DNAH7: variants seen among roughly 807,000 people sequenced by gnomAD.
DNAH7 encodes dynein axonemal heavy chain 7.
Under a neutral mutation model 444.6 loss-of-function variants are expected in DNAH7, and 397 were observed. That is an observed-to-expected ratio of 0.89 (90% CI 0.82 to 0.97). The LOEUF (loss-of-function observed/expected upper bound fraction) is 0.97. Ranked by LOEUF, DNAH7 falls within the 50% of genes least tolerant of loss-of-function variation. The pLI, the probability that DNAH7 is intolerant of heterozygous loss-of-function variation, is 0.00. For synonymous variants in DNAH7, 1,636 were observed against 1,624.4 expected, an observed-to-expected ratio of 1.01 and a Z score of -0.17; for missense variants, 4,902 against 4,800.8, an observed-to-expected ratio of 1.02 and a Z score of -0.62.
intron 42 of DNAH7, among the ~76,000 whole-genome samples, chr2:195,860,114 T>C (rs1432483855): frequency 1.3e-5 from 2 of 152,172 alleles, no homozygotes; most frequent in Non-Finnish European, 2.9e-5. Flanking sequence ...AATAAGAATA[T>C]TTGAAAATAC....
chr2:195,864,492 G>C lies in DNAH7; in HGVS notation c.7163C>G (p.Ala2388Gly), dbSNP rs372788044. The C allele has an allele frequency of 1.9e-6, 3 of 1,613,964 alleles. No individual in the cohort carries two copies. The highest frequency in any genetic ancestry group is 2.5e-6 in the Non-Finnish European group (3 of 1,180,014). Residue 2388 changes from alanine to glycine, a missense_variant, in exon 41 of 65, where the codon GCG (alanine) becomes GGG (glycine). Coordinates refer to ENST00000312428, the MANE Select transcript of DNAH7 (RefSeq NM_018897.3). Reference protein sequence around the residue: ...EDLKVILRKCAEGEMQGVFLF... With the variant: ...EDLKVILRKCGEGEMQGVFLF... ...GAAGACACCCTGCATCTCACCTTCC[G>C]CACATTTCCTTAAGATCACTTTTAA...
At position 195,742,257 on chromosome 2, in the gene DNAH7, T is replaced by C. The variant is rs566468829; in HGVS notation, c.11765-1388A>G. On this transcript the variant is annotated intron_variant, in intron 63 of 64. Coordinates refer to ENST00000312428, the MANE Select transcript of DNAH7 (RefSeq NM_018897.3). ...CATCAGTCACCAAAACAGGTGGGGA[T>C]AGGGCAAAGTAAGAGAACTTTATAG... 1.6e-4 allele frequency among the ~76,000 whole-genome samples: 24 copies of C among 152,232 alleles called. No homozygotes were observed. In the South Asian group the frequency reaches 5.0e-3, roughly 32 times the overall value.
chr2:195,868,878 CT>C (rs1700511505), intron 40 of DNAH7, among the ~76,000 whole-genome samples: 1 of 147,896 alleles, frequency 6.8e-6, no homozygotes, highest in South Asian at 2.2e-4. Context: ...ATAAGGTTAT[CT>C]AGTATGATAA....
At chr2:195,776,402 C>T (rs1311972386) in intron 59 of DNAH7, among the ~76,000 whole-genome samples, 2 of 151,432 alleles carry the variant, frequency 1.3e-5, no homozygotes, top group African/African-American at 4.9e-5. Context: ...GAGATTGCAC[C>T]ATTACACTCC....
chr2:196,000,850 T>G lies in DNAH7; in HGVS notation c.1207A>C (p.Ile403Leu). Reference sequence around the variant, plus strand: ...TCATTATCAAGAATCAGCCTCATGATGAAACCTGGATGTTCAAAAGCTCTA... The same window carrying G: ...TCATTATCAAGAATCAGCCTCATGAGGAAACCTGGATGTTCAAAAGCTCTA... ...SVRAFEHPGF[I>L]MRLILDNDTI... Residue 403 changes from isoleucine (I) to leucine (L), a missense_variant, in exon 12 of 65, where the codon ATC (isoleucine) becomes CTC (leucine). By Grantham distance (5) the Ile-to-Leu change is conservative (BLOSUM62 2). Transcript: ENST00000312428. The G allele has an allele frequency of 6.3e-7, 1 of 1,596,588 alleles. No homozygotes were observed.
chr2:195,928,712 T>C (rs982562338), intron 21 of DNAH7, among the ~76,000 whole-genome samples: 4 of 146,542 alleles, frequency 2.7e-5, no homozygotes, highest in Non-Finnish European at 4.5e-5. Flanking sequence ...CTGGAAAATA[T>C]TGTGTAGGGA....
intron 5 of DNAH7, among the ~76,000 whole-genome samples, chr2:196,036,042 TTTTTTC>T (rs1696364396): frequency 6.7e-6 from 1 of 150,374 alleles, no homozygotes; most frequent in African/African-American, 2.4e-5. Flanking sequence ...TTTTTTTTTT[TTTTTTC>T]CAGGCAGAGT....
intron 60 of DNAH7, among the ~76,000 whole-genome samples, chr2:195,772,368 C>G (rs1296645132): frequency 6.6e-6 from 1 of 152,078 alleles, no homozygotes; most frequent in Non-Finnish European, 1.5e-5. Context: ...TCTCCTTGAA[C>G]CAGGAGAGAA....
At chr2:195,895,247 A>T in intron 29 of DNAH7, 23 bp from the exon 30 acceptor site, 1 of 1,523,764 alleles carries the variant, frequency 6.6e-7, no homozygotes, top group Non-Finnish European at 8.9e-7. Context: ...GATTTGAAGG[A>T]TTTACATTTT....
At chr2:195,826,076 C>A (rs939617106) in intron 48 of DNAH7, among the ~76,000 whole-genome samples, 1 of 152,110 alleles carries the variant, frequency 6.6e-6, no homozygotes, top group Non-Finnish European at 1.5e-5. Context: ...ATTGCTTCTA[C>A]TTTTATACTA....
intron 44 of DNAH7, 46 bp downstream of exon 44, chr2:195,857,331 G>A: frequency 6.9e-7 from 1 of 1,447,430 alleles, no homozygotes; most frequent in Non-Finnish European, 9.3e-7. Context: ...CTGACCAGAA[G>A]TGAAGACAGA....
chr2:195,862,852 A>G (rs964275326), intron 41 of DNAH7, among the ~76,000 whole-genome samples: 2 of 152,182 alleles, frequency 1.3e-5, no homozygotes, highest in Non-Finnish European at 2.9e-5. Context: ...CCTGGCCAAC[A>G]TGGTGAAATC....
rs181987453 is a variant in DNAH7 at position 195,785,808 on chromosome 2, A to T, written c.10878+1202T>A. On this transcript the variant is annotated intron_variant, in intron 58 of 64. Transcript: ENST00000312428. Reference sequence around the variant, plus strand: ...ATTAGAATATACCCTACAAGTGTTCAGAACAAATTCCTAAATGGAAGAGCT... The same window carrying T: ...ATTAGAATATACCCTACAAGTGTTCTGAACAAATTCCTAAATGGAAGAGCT... Among the ~76,000 whole-genome samples, 6 of 152,270 alleles carry T rather than the reference A, an allele frequency of 3.9e-5. No homozygotes were observed. The East Asian group carries it at 1.2e-3, about 29-fold the overall frequency.
intron 51 of DNAH7, among the ~76,000 whole-genome samples, chr2:195,812,970 T>G (rs564937661): frequency 6.6e-6 from 1 of 152,332 alleles, no homozygotes; most frequent in African/African-American, 2.4e-5. Flanking sequence ...TAAATAGGAC[T>G]GATCAAAGTT....
chr2:196,046,078 C>G (rs1203628044), intron 5 of DNAH7, among the ~76,000 whole-genome samples: 2 of 151,806 alleles, frequency 1.3e-5, no homozygotes, highest in African/African-American at 4.8e-5. Context: ...AAAAAAAAAC[C>G]TCCCAGTACA....
intron 58 of DNAH7, among the ~76,000 whole-genome samples, chr2:195,778,645 T>A (rs1478760424): frequency 0.14 from 5,147 of 37,990 alleles, 834 homozygotes; most frequent in African/African-American, 0.19. Context: ...AATAAATAAA[T>A]ATATATATAT....
chr2:195,840,858 A>G (rs1052838040), intron 47 of DNAH7, among the ~76,000 whole-genome samples: 4 of 151,870 alleles, frequency 2.6e-5, no homozygotes, highest in Non-Finnish European at 5.9e-5. Flanking sequence ...TAAGTTGTCA[A>G]TTCTTCTCAA....
Position 195,897,673 on chromosome 2 carries a change from G to C in DNAH7, c.4641C>G (p.Leu1547=), listed in dbSNP as rs750534631. The stretch of plus-strand genomic sequence containing the variant: ...GGATAATGAATGTTCTTACCTCAAA[G>C]AGTGGTAAATCATGGGATAAAAATT... ...LPKFLSHDLP[L]FEGITSDLFP... The change falls in exon 29 of 65, where the codon CTC becomes CTG. Residue 1547 remains leucine, a synonymous_variant. Transcript: ENST00000312428. The C allele has an allele frequency of 6.4e-7, 1 of 1,565,324 alleles. No homozygotes were observed.
At chr2:195,950,851 CAAAAAAAAAAAAAAAAA>C (rs67782183) in intron 19 of DNAH7, among the ~76,000 whole-genome samples, 8 of 36,714 alleles carry the variant, frequency 2.2e-4, no homozygotes, top group Non-Finnish European at 2.8e-4. Context: ...GACTCTGTCT[CAAAAAAAAAAAAAAAAA>C]AAAAAAAAAA....
Sources: gnomAD v4.1 joint callset for allele counts (sites outside exome capture counted in the v4.1 genomes callset) on GRCh38, gnomAD v4.1.1 for gene constraint, MANE v1.5 for transcripts, NCBI Gene and HGNC (gene_info 2026-07-23, HGNC 2026-07-21) for gene names.